The following ANKS1B variants were observed in gnomAD, a reference collection of about 807,000 sequenced individuals.
ANKS1B encodes ankyrin repeat and sterile alpha motif domain-containing protein 1B.
A neutral mutation model predicts 148.3 loss-of-function variants in ANKS1B; 36 were observed. The observed-to-expected ratio is 0.24, with a 90% CI of 0.19 to 0.32. The LOEUF is 0.32. Among genes scored for constraint, ANKS1B ranks in the 10% least tolerant of loss-of-function variants. The probability of loss-of-function intolerance (pLI) is 1.00; values close to 1 mark genes in which losing one functional copy is unlikely to be tolerated. For synonymous variants in ANKS1B, 542 were observed against 560.8 expected, an observed-to-expected ratio of 0.97 and a Z score of 0.47; for missense variants, 1,157 against 1,542.6, an observed-to-expected ratio of 0.75 and a Z score of 4.19.
intron 17 of ANKS1B, among the ~76,000 whole-genome samples, chr12:98,849,732 C>A (rs966089812): frequency 6.6e-6 from 1 of 151,960 alleles, no homozygotes; most frequent in Non-Finnish European, 1.5e-5. Flanking sequence ...CAAGTAGAAG[C>A]AGAAAAAGAC....
At chr12:99,520,456 T>C (rs1390214243) in intron 9 of ANKS1B, among the ~76,000 whole-genome samples, 1 of 152,170 alleles carries the variant, frequency 6.6e-6, no homozygotes, top group Non-Finnish European at 1.5e-5. Flanking sequence ...ATTGGAGCTG[T>C]TATTTGTTAT....
intron 15 of ANKS1B, among the ~76,000 whole-genome samples, chr12:99,099,323 G>A (rs887329215): frequency 6.6e-6 from 1 of 152,228 alleles, no homozygotes; most frequent in Non-Finnish European, 1.5e-5. Flanking sequence ...TTTGCGGGGT[G>A]GGGGTCCCCT....
chr12:99,690,153 A>T (rs1408306742), intron 8 of ANKS1B, among the ~76,000 whole-genome samples: 1 of 152,126 alleles, frequency 6.6e-6, no homozygotes, highest in Non-Finnish European at 1.5e-5. Flanking sequence ...GAACTCACTC[A>T]CTATCATGAG....
chr12:99,257,004 G>C (rs1055596909), intron 12 of ANKS1B, among the ~76,000 whole-genome samples: 3 of 152,042 alleles, frequency 2.0e-5, no homozygotes, highest in African/African-American at 7.2e-5. Context: ...CAGCACTTTG[G>C]GAGGCTGAGA....
intron 17 of ANKS1B, among the ~76,000 whole-genome samples, chr12:98,942,772 C>A (rs2099839052): frequency 1.3e-5 from 2 of 152,202 alleles, no homozygotes. Context: ...CTGATAGCGA[C>A]TCCTGTGAGA....
chr12:99,951,168 T>A (rs1226041496), intron 1 of ANKS1B, among the ~76,000 whole-genome samples: 1 of 152,218 alleles, frequency 6.6e-6, no homozygotes, highest in African/African-American at 2.4e-5. Flanking sequence ...CATTTTATAC[T>A]CCCTTCACAA....
At chr12:99,293,113 A>G (rs1355108562) in intron 12 of ANKS1B, among the ~76,000 whole-genome samples, 1 of 152,232 alleles carries the variant, frequency 6.6e-6, no homozygotes, top group Non-Finnish European at 1.5e-5. Context: ...AATGTCCATC[A>G]ATGATAGACT....
intron 17 of ANKS1B, among the ~76,000 whole-genome samples, chr12:98,999,411 C>T (rs1337719618): frequency 1.3e-5 from 2 of 152,046 alleles, no homozygotes; most frequent in East Asian, 3.9e-4. Flanking sequence ...CATTCTGTTT[C>T]CCATTGCTGA....
At position 98,745,495 on chromosome 12, in the gene ANKS1B, A is replaced by G. The variant is rs2097861810; in HGVS notation, c.*244T>C. On this transcript the variant is annotated 3_prime_UTR_variant, in exon 27 of 27. Coordinates refer to ENST00000683438, the MANE Select transcript of ANKS1B (RefSeq NM_001352186.2). Reference sequence around the variant, plus strand: ...GGAGGTGGTGGGGAGGGGAGTCGGGAGCATCAGGGAAAACCCATCTCAACT... The same window carrying G: ...GGAGGTGGTGGGGAGGGGAGTCGGGGGCATCAGGGAAAACCCATCTCAACT... 1.7e-6 allele frequency: 2 copies of G among 1,162,052 alleles called. No individual in the cohort carries two copies. Among genetic ancestry groups the G allele is most frequent in the Non-Finnish European group, 2.1e-6 (2 of 942,464 alleles). 72.0% of individuals were successfully genotyped at this position (1,162,052 alleles called of 1,614,324 possible). A position where few individuals can be genotyped will look rare whatever the true frequency, so the allele number is the denominator to read the frequency against.
chr12:98,827,979 AT>A (rs2099263999), intron 19 of ANKS1B, among the ~76,000 whole-genome samples: 1 of 152,236 alleles, frequency 6.6e-6, no homozygotes, highest in Non-Finnish European at 1.5e-5. Context: ...CAGATGCCCT[AT>A]TTAAAAGAGC....
chr12:99,737,757 C>T (rs139975457), intron 8 of ANKS1B, among the ~76,000 whole-genome samples: 96 of 152,108 alleles, frequency 6.3e-4, no homozygotes, highest in African/African-American at 2.3e-3. Flanking sequence ...TAATACCTTT[C>T]AGTTTCTTTC....
chr12:99,204,290 T>C (rs923625213), intron 14 of ANKS1B, among the ~76,000 whole-genome samples: 1 of 152,266 alleles, frequency 6.6e-6, no homozygotes, highest in Non-Finnish European at 1.5e-5. Context: ...GCTAAATTTC[T>C]GAAGGAATGT....
chr12:99,609,611 A>G (rs1276376408), intron 9 of ANKS1B, among the ~76,000 whole-genome samples: 2 of 151,580 alleles, frequency 1.3e-5, no homozygotes, highest in East Asian at 1.9e-4. Context: ...GACCTCATCC[A>G]CTGGCTGCCT....
In ANKS1B at chr12:99,625,568, T is replaced by C. The variant is rs921947882; in HGVS notation, c.1272+29499A>G. On this transcript the variant is annotated intron_variant, in intron 9 of 26. Coordinates refer to ENST00000683438, the MANE Select transcript of ANKS1B (RefSeq NM_001352186.2). ...GAACAATAAATAAACATTAAAGGAA[T>C]AGCAACTGAAGAAAGACAGTGATAA... Among the ~76,000 whole-genome samples the C allele has an allele frequency of 7.2e-5, 11 of 152,110 alleles. 1 individual carries two copies. The South Asian group carries it at 1.4e-3, about 20-fold the overall frequency.
chr12:99,305,812 C>T (rs2082263710), intron 12 of ANKS1B, among the ~76,000 whole-genome samples: 1 of 152,104 alleles, frequency 6.6e-6, no homozygotes, highest in Non-Finnish European at 1.5e-5. Context: ...AGGCTTGAAT[C>T]ATCCAGCAAC....
intron 17 of ANKS1B, among the ~76,000 whole-genome samples, chr12:98,947,985 C>G (rs1427529622): frequency 6.6e-6 from 1 of 152,068 alleles, no homozygotes; most frequent in Non-Finnish European, 1.5e-5. Context: ...AGAATTACAG[C>G]CTCTATCTTT....
chr12:99,239,576 G>A (rs1204317973), intron 14 of ANKS1B, among the ~76,000 whole-genome samples: 2 of 152,134 alleles, frequency 1.3e-5, no homozygotes, highest in Non-Finnish European at 2.9e-5. Context: ...ACACCACAAA[G>A]ATACTCCTCA....
chr12:99,431,633 A>G (rs1407494052), intron 11 of ANKS1B, among the ~76,000 whole-genome samples: 1 of 152,224 alleles, frequency 6.6e-6, no homozygotes, highest in African/African-American at 2.4e-5. Context: ...ATATAAGAAC[A>G]TCACTTACAG....
At chr12:99,883,329 C>T (rs1313809530) in intron 1 of ANKS1B, among the ~76,000 whole-genome samples, 4 of 145,722 alleles carry the variant, frequency 2.7e-5, no homozygotes, top group African/African-American at 5.1e-5. Flanking sequence ...ATGGACGTTT[C>T]GAAGCAAAAA....
Sources: gnomAD v4.1 joint callset for allele counts (sites outside exome capture counted in the v4.1 genomes callset) on GRCh38, gnomAD v4.1.1 for gene constraint, MANE v1.5 for transcripts, NCBI Gene and HGNC (gene_info 2026-07-23, HGNC 2026-07-21) for gene names.